The following DACH2 variants were observed in gnomAD, a reference collection of about 807,000 sequenced individuals.
The protein encoded by DACH2 is dachshund family transcription factor 2, also known as dachshund homolog 2.
Under a neutral mutation model 35.8 loss-of-function variants are expected in DACH2, and 17 were observed. The ratio of observed to expected loss-of-function variants is 0.48; its 90% confidence interval spans 0.33 to 0.71. The LOEUF (loss-of-function observed/expected upper bound fraction) is 0.71, where lower values mean the gene tolerates loss of function less well. Among genes scored for constraint, DACH2 ranks in the 30% least tolerant of loss-of-function variants. The pLI, the probability that DACH2 is intolerant of heterozygous loss-of-function variation, is 0.02. For missense variants in DACH2, 469 were observed against 472.7 expected, an observed-to-expected ratio of 0.99 and a Z score of 0.07; for synonymous variants, 195 against 177.3, an observed-to-expected ratio of 1.10 and a Z score of -0.79.
At position 86,662,460 on chromosome X, in the gene DACH2, G is replaced by A. The variant is rs370344407; in HGVS notation, c.772+11293G>A. ...TAAAAATACAAAAAATTAGCCGGGC[G>A]TGGTGGCACACTCCTGTAGTCCCAG... On this transcript the variant is annotated intron_variant, in intron 4 of 11. Coordinates refer to ENST00000373125, the MANE Select transcript of DACH2 (RefSeq NM_053281.3). 3.0e-3 allele frequency among the ~76,000 whole-genome samples: 331 copies of A among 111,038 alleles called. 2 individuals carry two copies. The highest frequency in any genetic ancestry group is 0.01 in the African/African-American group (315 of 30,566).
intron 1 of DACH2, among the ~76,000 whole-genome samples, chrX:86,336,400 G>A (rs2035311204): frequency 8.9e-6 from 1 of 112,003 alleles, no homozygotes; most frequent in South Asian, 3.7e-4. Flanking sequence ...GGAAGGAAGA[G>A]GCAGCAATCT....
intron 1 of DACH2, among the ~76,000 whole-genome samples, chrX:86,282,521 T>C (rs892124589): frequency 9.0e-6 from 1 of 111,317 alleles, no homozygotes; most frequent in Non-Finnish European, 1.9e-5. Flanking sequence ...ATTAAAGACC[T>C]AAAACCATAA....
intron 3 of DACH2, among the ~76,000 whole-genome samples, chrX:86,606,067 A>G (rs1394998884): frequency 1.8e-5 from 2 of 110,559 alleles, no homozygotes; most frequent in African/African-American, 6.6e-5. Flanking sequence ...TTTCTTGGCA[A>G]TGGTTTGTTT....
intron 6 of DACH2, among the ~76,000 whole-genome samples, chrX:86,724,357 C>A (rs780492893): frequency 1.1e-3 from 128 of 111,743 alleles, no homozygotes; most frequent in African/African-American, 4.0e-3. Flanking sequence ...GTTTAAAACT[C>A]TTTTGAACAT....
chrX:86,715,759 A>G (rs1231056717), intron 6 of DACH2, among the ~76,000 whole-genome samples: 1 of 111,534 alleles, frequency 9.0e-6, no homozygotes, highest in Non-Finnish European at 1.9e-5. Flanking sequence ...ACCACCAAGT[A>G]TTACAGGAAT....
intron 1 of DACH2, among the ~76,000 whole-genome samples, chrX:86,340,885 C>A (rs1056726697): frequency 8.9e-6 from 1 of 111,837 alleles, no homozygotes; most frequent in East Asian, 2.8e-4. Context: ...CAGAGCAAGG[C>A]CCTACCGGTC....
At chrX:86,270,395 C>A (rs1338493739) in intron 1 of DACH2, among the ~76,000 whole-genome samples, 1 of 111,263 alleles carries the variant, frequency 9.0e-6, no homozygotes, top group Admixed American at 9.7e-5. Context: ...GAGAATGGAA[C>A]AAGTGGAAGG....
At chrX:86,468,750 A>G (rs1322304657) in intron 2 of DACH2, among the ~76,000 whole-genome samples, 1 of 111,628 alleles carries the variant, frequency 9.0e-6, no homozygotes, top group African/African-American at 3.3e-5. Context: ...AACAAAGCCT[A>G]TTGTGGGGAT....
chrX:86,818,688 A>G (rs1337117717), intron 11 of DACH2, among the ~76,000 whole-genome samples: 1 of 110,637 alleles, frequency 9.0e-6, no homozygotes, highest in Non-Finnish European at 1.9e-5. Flanking sequence ...ATGTATACCA[A>G]TGCAATACCA....
intron 11 of DACH2, among the ~76,000 whole-genome samples, chrX:86,821,892 T>G (rs1251694572): frequency 8.9e-6 from 1 of 111,875 alleles, no homozygotes; most frequent in African/African-American, 3.2e-5. Context: ...CCAGCCATGA[T>G]AAGTTGTTCT....
intron 2 of DACH2, among the ~76,000 whole-genome samples, chrX:86,441,091 A>G (rs1261389582): frequency 9.0e-6 from 1 of 111,414 alleles, no homozygotes; most frequent in Non-Finnish European, 1.9e-5. Flanking sequence ...GTAGGTGTAT[A>G]TATTTATAGG....
At position 86,443,178 on chromosome X, in the gene DACH2, G is replaced by T. The variant is rs757032643; in HGVS notation, c.527+66316G>T. 3.6e-5 allele frequency among the ~76,000 whole-genome samples: 4 copies of T among 111,506 alleles called. 1 individual carries two copies. The South Asian group carries it at 1.5e-3, about 41-fold the overall frequency. ...ATTGACGTTTTTACAATATTAATTA[G>T]TCCAATCCATAATCGCAGAATATTC... On this transcript the variant is annotated intron_variant, in intron 2 of 11. Coordinates refer to ENST00000373125, the MANE Select transcript of DACH2 (RefSeq NM_053281.3).
At chrX:86,580,304 T>G (rs1051557138) in intron 3 of DACH2, among the ~76,000 whole-genome samples, 3 of 111,845 alleles carry the variant, frequency 2.7e-5, no homozygotes, top group Non-Finnish European at 3.8e-5. Flanking sequence ...GCAAGAAATC[T>G]GGCAACTTGA....
intron 1 of DACH2, among the ~76,000 whole-genome samples, chrX:86,337,882 TG>T (rs2035342010): frequency 9.0e-6 from 1 of 110,797 alleles, no homozygotes; most frequent in Admixed American, 9.6e-5. Flanking sequence ...ACCAAGTAAA[TG>T]GAAATCAAAA....
intron 3 of DACH2, among the ~76,000 whole-genome samples, chrX:86,594,951 C>T (rs945501789): frequency 9.0e-6 from 1 of 111,301 alleles, no homozygotes; most frequent in Non-Finnish European, 1.9e-5. Flanking sequence ...GTATCTTGTG[C>T]TGTGTTGTTA....
intron 7 of DACH2, among the ~76,000 whole-genome samples, chrX:86,805,808 G>C (rs1219249922): frequency 8.9e-6 from 1 of 112,009 alleles, no homozygotes; most frequent in Non-Finnish European, 1.9e-5. Flanking sequence ...AATGCAGCAA[G>C]GCTCTTTGCT....
chrX:86,481,551 T>C (rs2037935788), intron 2 of DACH2: 1 of 112,480 alleles, frequency 8.9e-6, no homozygotes, highest in Non-Finnish European at 1.9e-5. Context: ...AATGACTTCA[T>C]AATGGCTGAA....
intron 7 of DACH2, among the ~76,000 whole-genome samples, chrX:86,767,794 T>C (rs1602921941): frequency 8.9e-6 from 1 of 111,923 alleles, no homozygotes; most frequent in Non-Finnish European, 1.9e-5. Flanking sequence ...TTGACCACTT[T>C]GACACTGCTA....
chrX:86,515,370 G>A (rs1344635549), intron 3 of DACH2, among the ~76,000 whole-genome samples: 2 of 110,443 alleles, frequency 1.8e-5, no homozygotes, highest in Non-Finnish European at 3.8e-5. Flanking sequence ...GCTGTATTTT[G>A]TAGGCTGAGC....
Sources: allele counts gnomAD v4.1 joint callset (sites outside exome capture counted in the v4.1 genomes callset), GRCh38; gene constraint gnomAD v4.1.1; transcripts MANE v1.5; gene names NCBI Gene and HGNC (gene_info 2026-07-23, HGNC 2026-07-21).